Variants in EFCAB6 observed in about 807,000 individuals in gnomAD.
EFCAB6 encodes EF-hand calcium binding domain 6.
Under a neutral mutation model 169.8 loss-of-function variants are expected in EFCAB6, and 156 were observed. The ratio of observed to expected loss-of-function variants is 0.92; its 90% CI spans 0.81 to 1.05. EFCAB6 has a LOEUF of 1.05. Among genes scored for constraint, EFCAB6 ranks in the 50% least tolerant of loss-of-function variants. The pLI is 0.00. For missense variants in EFCAB6, 1,800 were observed against 1,829.1 expected (o/e 0.98, Z 0.29); for synonymous variants, 698 against 676.4 (o/e 1.03, Z -0.50).
chr22:43,798,961 T>TCATCC (rs1387210633), intron 2 of EFCAB6, among the ~76,000 whole-genome samples: 3 of 152,186 alleles, frequency 2.0e-5, no homozygotes, highest in Non-Finnish European at 2.9e-5. Flanking sequence ...CACCTCTGAT[T>TCATCC]CATCCTCCTC....
chr22:43,798,744 C>G (rs2062598744), intron 2 of EFCAB6, among the ~76,000 whole-genome samples: 1 of 152,204 alleles, frequency 6.6e-6, no homozygotes, highest in Admixed American at 6.5e-5. Flanking sequence ...GCTGCTGAAG[C>G]CTGACAACAC....
chr22:43,772,964 A>G lies in EFCAB6; in HGVS notation c.279T>C (p.Ser93=). The G allele has an allele frequency of 6.2e-7, 1 of 1,614,222 alleles. No individual in the cohort carries two copies. Among genetic ancestry groups the G allele is most frequent in the Non-Finnish European group, 8.5e-7 (1 of 1,180,034 alleles). The part of the protein sequence containing the change: ...DTGQNLTVSK[S]ELRRIITDFL... ...AGTCTGTGATGATTCTTCTCAGTTC[A>G]CTTTTTGACACAGTCAAGTTCTGAC... is the stretch of plus-strand genomic sequence containing the variant. Residue 93 remains serine, a synonymous_variant, in exon 4 of 32, where the codon AGT becomes AGC. Transcript: ENST00000262726.
chr22:43,727,865 G>A (rs988621988), intron 8 of EFCAB6, among the ~76,000 whole-genome samples: 2 of 152,000 alleles, frequency 1.3e-5, no homozygotes, highest in Admixed American at 1.3e-4. Context: ...CTTGAAGCTC[G>A]AGCATCTGCT....
At chr22:43,759,514 T>A (rs2061078221) in intron 5 of EFCAB6, 1 of 152,234 alleles carries the variant, frequency 6.6e-6, no homozygotes, top group Admixed American at 6.5e-5. Flanking sequence ...AGAAATGTCC[T>A]ACACGTCCAT....
intron 6 of EFCAB6, among the ~76,000 whole-genome samples, chr22:43,738,893 G>A (rs1016249351): frequency 5.3e-5 from 8 of 152,166 alleles, no homozygotes; most frequent in African/African-American, 1.9e-4. Context: ...CTGTTGTAAG[G>A]GATCAAGGGA....
At chr22:43,726,275 C>A (rs2059725972) in intron 8 of EFCAB6, among the ~76,000 whole-genome samples, 5 of 54,414 alleles carry the variant, frequency 9.2e-5, no homozygotes, top group East Asian at 3.8e-4. Flanking sequence ...TAAAAATTCA[C>A]CAAAAAAAAA....
intron 17 of EFCAB6, among the ~76,000 whole-genome samples, chr22:43,641,813 T>C (rs1345657415): frequency 6.6e-6 from 1 of 152,150 alleles, no homozygotes; most frequent in Non-Finnish European, 1.5e-5. Flanking sequence ...CTTCTCTTAA[T>C]ACTACACTTA....
At chr22:43,601,262 T>C (rs1026678912) in intron 22 of EFCAB6, among the ~76,000 whole-genome samples, 4 of 152,256 alleles carry the variant, frequency 2.6e-5, no homozygotes, top group African/African-American at 9.6e-5. Context: ...GGAGGGTTTT[T>C]ATCTCCCAAC....
At chr22:43,608,803 G>T (rs1422484309) in intron 21 of EFCAB6, among the ~76,000 whole-genome samples, 1 of 152,142 alleles carries the variant, frequency 6.6e-6, no homozygotes, top group African/African-American at 2.4e-5. Flanking sequence ...GAGAATTAGG[G>T]GTCGGAAGGG....
chr22:43,559,784 T>C (rs1034890242), intron 26 of EFCAB6, among the ~76,000 whole-genome samples: 2 of 152,158 alleles, frequency 1.3e-5, no homozygotes, highest in African/African-American at 4.8e-5. Context: ...ACACCACATG[T>C]TCTCACTCAT....
At chr22:43,808,299 C>A (rs1166733989) in intron 2 of EFCAB6, among the ~76,000 whole-genome samples, 2 of 152,192 alleles carry the variant, frequency 1.3e-5, no homozygotes, top group Non-Finnish European at 2.9e-5. Context: ...ATCCATGAAT[C>A]TAGGTATCTT....
At chr22:43,540,422 C>T (rs907325325) in intron 27 of EFCAB6, 65 bp from the exon 28 acceptor site, 2 of 1,605,180 alleles carry the variant, frequency 1.2e-6, no homozygotes, top group African/African-American at 2.7e-5. Context: ...CGCACCTGTG[C>T]CAGCGAGAAG....
intron 2 of EFCAB6, among the ~76,000 whole-genome samples, chr22:43,787,934 C>T (rs1442230507): frequency 6.6e-6 from 1 of 152,094 alleles, no homozygotes; most frequent in African/African-American, 2.4e-5. Context: ...AATTGAGAGA[C>T]CAGAAATAAA....
chr22:43,591,825 G>A (rs1318988525), intron 23 of EFCAB6, among the ~76,000 whole-genome samples: 1 of 152,166 alleles, frequency 6.6e-6, no homozygotes, highest in Non-Finnish European at 1.5e-5. Context: ...AAAAATTACG[G>A]TTAAGGAACT....
chr22:43,670,211 A>G (rs1447714475), intron 15 of EFCAB6, among the ~76,000 whole-genome samples: 3 of 152,198 alleles, frequency 2.0e-5, no homozygotes, highest in Non-Finnish European at 4.4e-5. Context: ...AAGCACAGCA[A>G]GTACACTTGT....
intron 2 of EFCAB6, among the ~76,000 whole-genome samples, chr22:43,783,750 T>G (rs557221377): frequency 6.6e-6 from 1 of 152,196 alleles, no homozygotes; most frequent in African/African-American, 2.4e-5. Flanking sequence ...CCACAACTAC[T>G]ACATTATATT....
chr22:43,612,246 C>T (rs924994941), intron 21 of EFCAB6, among the ~76,000 whole-genome samples: 1 of 152,098 alleles, frequency 6.6e-6, no homozygotes, highest in African/African-American at 2.4e-5. Context: ...CTAAGCAATA[C>T]CATTCTGGAC....
intron 10 of EFCAB6, among the ~76,000 whole-genome samples, chr22:43,690,556 C>A (rs1438077887): frequency 6.6e-6 from 1 of 151,538 alleles, no homozygotes; most frequent in Admixed American, 6.6e-5. Flanking sequence ...AGATTACTCT[C>A]TTGCTTAAAA....
At position 43,572,668 on chromosome 22, in the gene EFCAB6, CCCT is replaced by C. The variant is rs1251787732; in HGVS notation, c.3420+3626_3420+3628del. Among the ~76,000 whole-genome samples the C allele has an allele frequency of 6.6e-6, 1 of 152,208 alleles. No individual in the cohort carries two copies. Among genetic ancestry groups the C allele is most frequent in the Non-Finnish European group, 1.5e-5 (1 of 68,028 alleles). The stretch of plus-strand genomic sequence containing the variant: ...GCCCGATGTCACTGCTCACTCCCTC[CCCT>C]CCTCGTCGCTCGGATGTCACCCCTC... On this transcript the variant is annotated intron_variant, in intron 26 of 31. Coordinates refer to ENST00000262726, the MANE Select transcript of EFCAB6 (RefSeq NM_022785.4). This position sits in a 1 kb window ranked among gnomAD's most constrained non-coding sequence, Gnocchi z 4.0.
Sources: allele counts gnomAD v4.1 joint callset (sites outside exome capture counted in the v4.1 genomes callset), GRCh38; gene constraint gnomAD v4.1.1; non-coding constraint Gnocchi (gnomAD v3.1); transcripts MANE v1.5; gene names NCBI Gene and HGNC (gene_info 2026-07-23, HGNC 2026-07-21).